The following SRPK2 variants were observed in gnomAD, a reference collection of about 807,000 sequenced individuals.
SRPK2 encodes SFRS protein kinase 2.
SRPK2 carries 21 observed loss-of-function variants against 90.8 expected under a neutral mutation model. The ratio of observed to expected loss-of-function variants is 0.23; its 90% confidence interval spans 0.16 to 0.33. SRPK2 has a LOEUF of 0.33. Among genes scored for constraint, SRPK2 ranks in the 10% least tolerant of loss-of-function variants. The pLI is 1.00. For missense variants in SRPK2, 620 were observed against 869.0 expected (o/e 0.71, Z 3.60); for synonymous variants, 288 against 311.1 (o/e 0.93, Z 0.78).
At chr7:105,228,208 G>GA (rs1341732733) in intron 2 of SRPK2, among the ~76,000 whole-genome samples, 1 of 151,998 alleles carries the variant, frequency 6.6e-6, no homozygotes, top group Admixed American at 6.6e-5. Flanking sequence ...AATTTCATAT[G>GA]AAAAAAAGTT....
At chr7:105,245,778 G>A (rs1801574005) in intron 2 of SRPK2, among the ~76,000 whole-genome samples, 1 of 152,094 alleles carries the variant, frequency 6.6e-6, no homozygotes, top group Non-Finnish European at 1.5e-5. Flanking sequence ...TTATTCACAG[G>A]CACAATCTTC....
Position 105,178,125 on chromosome 7 carries a change from A to G in SRPK2, c.230-8860T>C, listed in dbSNP as rs543650662. Among the ~76,000 whole-genome samples, 12 of 152,260 alleles carry G rather than the reference A, an allele frequency of 7.9e-5. No homozygotes were observed. In the South Asian group the frequency reaches 2.1e-3, roughly 26 times the overall value. ...AAGAAAATGCCTGTAGGTGATATCA[A>G]TAAAAATGTTTCAATCTAAGAAAAC... On this transcript the variant is annotated intron_variant, in intron 3 of 15. Coordinates refer to ENST00000393651, the MANE Select transcript of SRPK2 (RefSeq NM_182692.3).
intron 2 of SRPK2, among the ~76,000 whole-genome samples, chr7:105,273,902 C>T (rs1196259602): frequency 6.6e-6 from 1 of 152,146 alleles, no homozygotes; most frequent in East Asian, 1.9e-4. Flanking sequence ...TTTCCAGATA[C>T]ACTTAACCAA....
chr7:105,331,104 A>C (rs1035777035), intron 2 of SRPK2, among the ~76,000 whole-genome samples: 27 of 151,914 alleles, frequency 1.8e-4, no homozygotes, highest in Non-Finnish European at 2.6e-4. Flanking sequence ...GAGTTTGACA[A>C]CAGCCTGACC....
intron 2 of SRPK2, among the ~76,000 whole-genome samples, chr7:105,336,779 G>A (rs755057135): frequency 6.6e-6 from 1 of 152,098 alleles, no homozygotes; most frequent in Non-Finnish European, 1.5e-5. Context: ...CAGTAACTGT[G>A]GAAATGTGAA....
intron 1 of SRPK2, among the ~76,000 whole-genome samples, chr7:105,397,603 C>T (rs1227620351): frequency 6.6e-6 from 1 of 151,620 alleles, no homozygotes; most frequent in Non-Finnish European, 1.5e-5. Flanking sequence ...GCTGGGATTA[C>T]AGGCATGAGC....
intron 2 of SRPK2, among the ~76,000 whole-genome samples, chr7:105,241,219 T>C (rs1800775049): frequency 6.6e-6 from 1 of 152,232 alleles, no homozygotes; most frequent in South Asian, 2.1e-4. Flanking sequence ...GTTCCTTCTT[T>C]AAAGCATCCG....
intron 2 of SRPK2, among the ~76,000 whole-genome samples, chr7:105,346,211 G>A (rs1816437932): frequency 6.6e-6 from 1 of 152,120 alleles, no homozygotes; most frequent in African/African-American, 2.4e-5. Flanking sequence ...AATTCCTGGA[G>A]GTAAGTATTT....
At chr7:105,310,278 A>G (rs886259140) in intron 2 of SRPK2, among the ~76,000 whole-genome samples, 4 of 152,240 alleles carry the variant, frequency 2.6e-5, no homozygotes, top group Non-Finnish European at 5.9e-5. Context: ...AGATAAAACC[A>G]TAATAATGGA....
At chr7:105,346,994 A>G (rs1393464235) in intron 2 of SRPK2, among the ~76,000 whole-genome samples, 1 of 151,900 alleles carries the variant, frequency 6.6e-6, no homozygotes, top group African/African-American at 2.4e-5. Context: ...AAAATATTGC[A>G]CACTGCCCGG....
chr7:105,135,628 G>C (rs1802691747), intron 11 of SRPK2, among the ~76,000 whole-genome samples: 1 of 152,240 alleles, frequency 6.6e-6, no homozygotes, highest in African/African-American at 2.4e-5. Context: ...GGGCACTCAA[G>C]TGGAAGGAGA....
At chr7:105,300,704 C>T (rs963423141) in intron 2 of SRPK2, among the ~76,000 whole-genome samples, 1 of 151,350 alleles carries the variant, frequency 6.6e-6, no homozygotes, top group Non-Finnish European at 1.5e-5. Flanking sequence ...AAGTGGGCAA[C>T]GGATATGAAC....
intron 2 of SRPK2, among the ~76,000 whole-genome samples, chr7:105,338,436 G>C (rs555507947): frequency 6.6e-6 from 1 of 152,022 alleles, no homozygotes; most frequent in Non-Finnish European, 1.5e-5. Flanking sequence ...TAGTGGAGTC[G>C]GGGTTTCACT....
intron 2 of SRPK2, among the ~76,000 whole-genome samples, chr7:105,289,198 C>T (rs567539709): frequency 4.6e-5 from 7 of 151,182 alleles, no homozygotes; most frequent in Non-Finnish European, 5.9e-5. Context: ...GGCGTGAACC[C>T]AGGAGGTGGA....
intron 2 of SRPK2, among the ~76,000 whole-genome samples, chr7:105,330,647 T>C (rs1814199476): frequency 6.6e-6 from 1 of 152,172 alleles, no homozygotes; most frequent in Non-Finnish European, 1.5e-5. Context: ...AGAAGGATTC[T>C]AAAACTGCAC....
intron 2 of SRPK2, among the ~76,000 whole-genome samples, chr7:105,388,053 G>T (rs543436767): frequency 6.6e-6 from 1 of 152,280 alleles, no homozygotes; most frequent in Non-Finnish European, 1.5e-5. Flanking sequence ...GAGCCGAAAC[G>T]CACAGGTCTC....
At chr7:105,388,514 G>T in intron 2 of SRPK2, 134 bp downstream of exon 2, 2 of 546,612 alleles carry the variant, frequency 3.7e-6, no homozygotes, top group Non-Finnish European at 5.2e-6. Context: ...CCGGGGGCAG[G>T]AGCCGAGCGC....
intron 2 of SRPK2, among the ~76,000 whole-genome samples, chr7:105,357,781 A>C (rs1201503862): frequency 2.0e-5 from 3 of 151,798 alleles, no homozygotes; most frequent in Non-Finnish European, 2.9e-5. Context: ...CAAAACAAAA[A>C]AAAGATTCAA....
At chr7:105,297,355 C>A in intron 2 of SRPK2, 1 of 538,566 alleles carries the variant, frequency 1.9e-6, no homozygotes, top group Non-Finnish European at 2.4e-6. Context: ...ACAGTGATCA[C>A]AAGTGCTGGA....
Sources: gnomAD v4.1 joint callset for allele counts (sites outside exome capture counted in the v4.1 genomes callset) on GRCh38, gnomAD v4.1.1 for gene constraint, MANE v1.5 for transcripts, NCBI Gene and HGNC (gene_info 2026-07-23, HGNC 2026-07-21) for gene names.